UBE3A: variants seen among roughly 807,000 people sequenced by gnomAD.
UBE3A encodes the protein ubiquitin-protein ligase E3A.
Under a neutral mutation model 83.4 loss-of-function variants are expected in UBE3A, and 6 were observed. That is an observed-to-expected ratio of 0.07 (90% CI 0.04 to 0.14). The LOEUF is 0.14. Among genes scored for constraint, UBE3A ranks in the 10% least tolerant of loss-of-function variants. The pLI, the probability that UBE3A is intolerant of heterozygous loss-of-function variation, is 1.00. For synonymous variants in UBE3A, 337 were observed against 355.4 expected (o/e 0.95, Z 0.58); for missense variants, 456 against 1,036.1 (o/e 0.44, Z 7.69).
intron 3 of UBE3A, chr15:25,406,977 G>T: frequency 1.3e-6 from 1 of 779,060 alleles, no homozygotes; most frequent in Non-Finnish European, 1.7e-6. Flanking sequence ...GGGCATGCTG[G>T]AGGTGGCAGT....
chr15:25,368,663 AAAC>A (rs1403869690), intron 6 of UBE3A, among the ~76,000 whole-genome samples: 1 of 152,158 alleles, frequency 6.6e-6, no homozygotes, highest in Non-Finnish European at 1.5e-5. Flanking sequence ...AACTTGCTAA[AAAC>A]AAGTTACCAT....
rs587782910 is a variant in UBE3A, at chr15:25,354,363, C to T, written c.2344G>A (p.Val782Ile). 4.8e-5 allele frequency: 77 copies of T among 1,613,312 alleles called. No individual in the cohort carries two copies. Among genetic ancestry groups the T allele is most frequent in the Non-Finnish European group, 6.4e-5 (75 of 1,179,898 alleles). The change falls in exon 11 of 13, where the codon GTT (valine) becomes ATT (isoleucine). Residue 782 changes from valine (V) to isoleucine (I), a missense_variant. Physicochemically the swap from Val to Ile is conservative, Grantham distance 29. Coordinates refer to ENST00000648336, the MANE Select transcript of UBE3A (RefSeq NM_130839.5). ...EYDGGYTRDS[V>I]LIREFWEIVH... Reference sequence around the variant, plus strand: ...AACTAAGTACCTCACCTAATCAGAACAGAGTCCCTGGTATAGCCACCGTCA... The same window carrying T: ...AACTAAGTACCTCACCTAATCAGAATAGAGTCCCTGGTATAGCCACCGTCA...
intron 11 of UBE3A, chr15:25,347,263 T>C (rs898407677): frequency 6.6e-6 from 1 of 152,164 alleles, no homozygotes; most frequent in African/African-American, 2.4e-5. Flanking sequence ...CTCAAAACAA[T>C]ACTATTTAAA....
intron 11 of UBE3A, among the ~76,000 whole-genome samples, chr15:25,352,234 T>C (rs764483392): frequency 1.3e-5 from 2 of 152,084 alleles, no homozygotes; most frequent in African/African-American, 2.4e-5. Context: ...TTTCTAGTGG[T>C]TTACATATTA....
chr15:25,407,345 G>C, intron 3 of UBE3A: 5 of 864,178 alleles, frequency 5.8e-6, no homozygotes, highest in Non-Finnish European at 7.1e-6. Context: ...AGAAGAGAGG[G>C]AAAAAATGAG....
chr15:25,388,562 G>T (rs2152941878), intron 4 of UBE3A, among the ~76,000 whole-genome samples: 1 of 152,104 alleles, frequency 6.6e-6, no homozygotes, highest in East Asian at 1.9e-4. Flanking sequence ...AACAAGAAAA[G>T]AATATCCCCA....
In UBE3A at chr15:25,371,379, T is replaced by C. The variant is rs1334934086; in HGVS notation, c.795A>G (p.Glu265=). The C allele has an allele frequency of 1.2e-6, 2 of 1,614,156 alleles. No individual in the cohort carries two copies. The highest frequency in any genetic ancestry group is 1.1e-5 in the South Asian group (1 of 91,074). ...NALVYLSPNV[E]CDLTYHNVYS... ...ATACATTGTGATACGTCAAGTCACA[T>C]TCCACGTTAGGTGACAAATATACAA... The change falls in exon 6 of 13, where the codon GAA becomes GAG. Residue 265 remains glutamate (E), a synonymous_variant. Coordinates refer to ENST00000648336, the MANE Select transcript of UBE3A (RefSeq NM_130839.5). This position sits in a 1 kb window ranked among gnomAD's most constrained non-coding sequence, Gnocchi z 5.3.
intron 5 of UBE3A, among the ~76,000 whole-genome samples, chr15:25,372,142 AAT>A (rs2080399867): frequency 6.6e-6 from 1 of 152,314 alleles, no homozygotes; most frequent in South Asian, 2.1e-4. Context: ...AATATGAACC[AAT>A]ATGTCATGTA....
chr15:25,409,684 A>G (rs950230980), intron 2 of UBE3A, among the ~76,000 whole-genome samples: 1 of 152,296 alleles, frequency 6.6e-6, no homozygotes, highest in Admixed American at 6.5e-5. Flanking sequence ...CTGGGTTTCA[A>G]GATTTAAGTA....
At chr15:25,382,990 T>TA (rs1420488842) in intron 4 of UBE3A, among the ~76,000 whole-genome samples, 2 of 151,988 alleles carry the variant, frequency 1.3e-5, no homozygotes, top group Non-Finnish European at 1.5e-5. Context: ...ACCAAACATT[T>TA]AAAAACTAAC....
chr15:25,402,686 C>T (rs1160905926), intron 4 of UBE3A, among the ~76,000 whole-genome samples: 1 of 152,200 alleles, frequency 6.6e-6, no homozygotes, highest in African/African-American at 2.4e-5. Context: ...CCTCCTTCCC[C>T]CAGGTGAACA....
intron 1 of UBE3A, among the ~76,000 whole-genome samples, chr15:25,427,832 G>A (rs576000915): frequency 1.3e-5 from 2 of 149,086 alleles, no homozygotes; most frequent in East Asian, 2.0e-4. Context: ...GTGGGGTGGG[G>A]AGAATTCAAT....
chr15:25,383,466 G>A (rs534955202), intron 4 of UBE3A, among the ~76,000 whole-genome samples: 6 of 152,144 alleles, frequency 3.9e-5, no homozygotes, highest in Admixed American at 3.3e-4. Flanking sequence ...GTGAAACCCT[G>A]TCTCTACTAA....
intron 1 of UBE3A, among the ~76,000 whole-genome samples, chr15:25,431,039 T>C (rs1342746238): frequency 6.6e-6 from 1 of 152,254 alleles, no homozygotes; most frequent in Admixed American, 6.5e-5. Flanking sequence ...TCTTGATTTA[T>C]GTGTATAAAA....
intron 4 of UBE3A, among the ~76,000 whole-genome samples, chr15:25,390,571 T>C (rs1289924578): frequency 6.6e-6 from 1 of 152,060 alleles, no homozygotes; most frequent in African/African-American, 2.4e-5. Flanking sequence ...TATAATATGC[T>C]GGAAAAGGCA....
Position 25,408,625 on chromosome 15 carries a change from A to G in UBE3A, c.20+463T>C, listed in dbSNP as rs371301705. The G allele has an allele frequency of 1.3e-4, 213 of 1,613,862 alleles. No individual in the cohort carries two copies. Among genetic ancestry groups the G allele is most frequent in the South Asian group, 1.2e-3 (111 of 91,082 alleles). The stretch of plus-strand genomic sequence containing the variant: ...AAATTCAAATGGTGGCTCACTTCCA[A>G]TAACACTGGTGCAGCTTCTCCATCC... On this transcript the variant is annotated intron_variant, in intron 3 of 12. Coordinates refer to ENST00000648336, the MANE Select transcript of UBE3A (RefSeq NM_130839.5).
chr15:25,375,890 T>C, intron 4 of UBE3A, 127 bp from the exon 5 acceptor site: 2 of 1,041,940 alleles, frequency 1.9e-6, no homozygotes, highest in South Asian at 2.7e-5. Context: ...AGATGAGAAG[T>C]AGAAAATGGA....
chr15:25,425,922 T>C (rs932293921), intron 1 of UBE3A, among the ~76,000 whole-genome samples: 2 of 152,172 alleles, frequency 1.3e-5, no homozygotes, highest in African/African-American at 2.4e-5. Flanking sequence ...TACACAGTCA[T>C]ACATACATAG....
At chr15:25,402,993 A>G (rs2087549068) in intron 4 of UBE3A, among the ~76,000 whole-genome samples, 1 of 152,148 alleles carries the variant, frequency 6.6e-6, no homozygotes, top group African/African-American at 2.4e-5. Context: ...CTTTCCAATC[A>G]TGGCCATCAT....
Sources: allele counts gnomAD v4.1 joint callset (sites outside exome capture counted in the v4.1 genomes callset), GRCh38; gene constraint gnomAD v4.1.1; non-coding constraint Gnocchi (gnomAD v3.1); transcripts MANE v1.5; gene names NCBI Gene and HGNC (gene_info 2026-07-23, HGNC 2026-07-21).